The following ITCH variants were observed in gnomAD, a reference collection of about 807,000 sequenced individuals.
The protein encoded by ITCH is E3 ubiquitin-protein ligase Itchy homolog.
A neutral mutation model predicts 126.8 loss-of-function variants in ITCH; 28 were observed. The observed-to-expected ratio is 0.22, with a 90% CI of 0.16 to 0.30. ITCH has a LOEUF of 0.30. ITCH is among the 10% of genes least tolerant of loss of function. The pLI, the probability that ITCH is intolerant of heterozygous loss-of-function variation, is 1.00. For missense variants in ITCH, 631 were observed against 1,032.4 expected, an observed-to-expected ratio of 0.61 and a Z score of 5.33; for synonymous variants, 342 against 340.0, an observed-to-expected ratio of 1.01 and a Z score of -0.06.
At position 34,384,700 on chromosome 20, in the gene ITCH, G is replaced by T. The variant is rs185742617; in HGVS notation, c.-21-9091G>T. ...TTTTGAGACGGAGTCTCGCTCTGTC[G>T]CCCAGGCTGGAGTGCAGTGGCATGT... On this transcript the variant is annotated intron_variant, in intron 2 of 24. Transcript: ENST00000374864. Among the ~76,000 whole-genome samples, 94 of 129,740 alleles carry T rather than the reference G, an allele frequency of 7.2e-4. 3 individuals are homozygous for T. The East Asian group carries it at 0.022, about 31-fold the overall frequency. The allele number at this position is 129,740 out of a possible 152,430, so 85.1% of individuals were successfully genotyped here.
chr20:34,382,096 G>A (rs1408599668), intron 2 of ITCH, among the ~76,000 whole-genome samples: 2 of 152,030 alleles, frequency 1.3e-5, no homozygotes, highest in Non-Finnish European at 2.9e-5. Flanking sequence ...GAATTTAATC[G>A]GAGGGGCTAA....
chr20:34,497,441 A>G (rs1378791633), intron 23 of ITCH, among the ~76,000 whole-genome samples: 1 of 152,182 alleles, frequency 6.6e-6, no homozygotes, highest in East Asian at 1.9e-4. Context: ...TTTGTTGTAT[A>G]TCTTGAAGTC....
At chr20:34,481,880 A>C (rs1210965048) in intron 20 of ITCH, among the ~76,000 whole-genome samples, 1 of 152,120 alleles carries the variant, frequency 6.6e-6, no homozygotes, top group Non-Finnish European at 1.5e-5. Context: ...GTGTGGTGGC[A>C]TGTGCCTGTA....
chr20:34,414,844 T>A (rs905732313), intron 6 of ITCH, among the ~76,000 whole-genome samples: 1 of 152,198 alleles, frequency 6.6e-6, no homozygotes, highest in African/African-American at 2.4e-5. Flanking sequence ...ACCATTCCCC[T>A]TCTACTTCTG....
intron 11 of ITCH, among the ~76,000 whole-genome samples, chr20:34,449,075 A>T (rs901448343): frequency 1.3e-5 from 2 of 151,838 alleles, no homozygotes; most frequent in African/African-American, 4.9e-5. Context: ...TGGTATTGTA[A>T]ATGACTTTTG....
In ITCH at chr20:34,476,473, A is replaced by G. The variant is rs1988242749; in HGVS notation, c.1570-1299A>G. 7.4e-6 allele frequency: 9 copies of G among 1,213,738 alleles called. No homozygotes were observed. The South Asian group carries it at 2.0e-4, about 27-fold the overall frequency. 75.2% of individuals were successfully genotyped at this position (1,213,738 alleles called of 1,614,324 possible). A position where few individuals can be genotyped will look rare whatever the true frequency, so the allele number is the denominator to read the frequency against. On this transcript the variant is annotated intron_variant, in intron 16 of 24. Transcript: ENST00000374864. ...CAGCCGGGCGCCCCCAGCGGCAGCC[A>G]TCGCCCGCGGTCGGGAACTCAAAAG...
intron 5 of ITCH, among the ~76,000 whole-genome samples, chr20:34,413,435 A>C (rs575433494): frequency 6.6e-6 from 1 of 152,316 alleles, no homozygotes; most frequent in African/African-American, 2.4e-5. Context: ...TTACTAAATA[A>C]TCCTTATTCT....
At chr20:34,459,674 TG>T (rs1302496356) in intron 13 of ITCH, among the ~76,000 whole-genome samples, 1 of 152,180 alleles carries the variant, frequency 6.6e-6, no homozygotes, top group African/African-American at 2.4e-5. Context: ...TGGTTTAGGT[TG>T]CACTGAGCTG....
chr20:34,447,259 A>G (rs1449703414), intron 11 of ITCH, among the ~76,000 whole-genome samples: 1 of 151,416 alleles, frequency 6.6e-6, no homozygotes, highest in Non-Finnish European at 1.5e-5. Context: ...ATTTTCTGAA[A>G]TTTTTACTCT....
chr20:34,457,541 A>T, intron 13 of ITCH, 67 bp downstream of exon 13: 3 of 1,094,592 alleles, frequency 2.7e-6, no homozygotes, highest in Non-Finnish European at 4.1e-6. Context: ...CAACTGAAGA[A>T]GATCAAAGTT....
chr20:34,365,640 CTCCTG>C, intron 1 of ITCH, among the ~76,000 whole-genome samples: 1 of 152,192 alleles, frequency 6.6e-6, no homozygotes, highest in African/African-American at 2.4e-5. Context: ...TGCTCTCGAA[CTCCTG>C]ACCTCGTGAT....
intron 20 of ITCH, among the ~76,000 whole-genome samples, chr20:34,484,255 A>G (rs1400092702): frequency 2.0e-5 from 3 of 152,208 alleles, no homozygotes; most frequent in Non-Finnish European, 4.4e-5. Flanking sequence ...CTAATAGTTC[A>G]TTCATACCTT....
intron 3 of ITCH, among the ~76,000 whole-genome samples, chr20:34,400,633 GAA>G (rs977420133): frequency 4.4e-5 from 6 of 134,960 alleles, no homozygotes; most frequent in South Asian, 2.4e-4. Context: ...GTTAGAAAGA[GAA>G]AAAAATTTTT....
chr20:34,369,648 T>A, intron 2 of ITCH, 178 bp downstream of exon 2: 1 of 389,760 alleles, frequency 2.6e-6, no homozygotes, highest in Admixed American at 4.5e-5. Context: ...GATTAGCCTG[T>A]GAGCCACACT....
At chr20:34,369,598 A>AGCTT (rs1443064212) in intron 2 of ITCH, 128 bp downstream of exon 2, 1 of 392,900 alleles carries the variant, frequency 2.5e-6, no homozygotes, top group Non-Finnish European at 4.5e-6. Flanking sequence ...ACATATAGGC[A>AGCTT]GCTTCACTTG....
chr20:34,475,785 T>C (rs1453444066), intron 16 of ITCH: 7 of 629,062 alleles, frequency 1.1e-5, no homozygotes, highest in African/African-American at 9.2e-5. Flanking sequence ...TGACAAAATT[T>C]AGTAGTTATA....
chr20:34,383,165 C>T (rs1266329472), intron 2 of ITCH, among the ~76,000 whole-genome samples: 3 of 152,054 alleles, frequency 2.0e-5, no homozygotes, highest in Non-Finnish European at 4.4e-5. Context: ...TGTCAGTCTC[C>T]TGAGTAGCTG....
At chr20:34,401,718 A>C (rs1185235004) in intron 3 of ITCH, 1 of 777,100 alleles carries the variant, frequency 1.3e-6, no homozygotes, top group Admixed American at 6.3e-5. Flanking sequence ...TGAATTAAAA[A>C]AAAAAAAAAG....
chr20:34,412,488 A>G (rs1555861342), intron 4 of ITCH, 27 bp from the exon 5 acceptor site: 10 of 1,527,874 alleles, frequency 6.5e-6, no homozygotes, highest in Non-Finnish European at 9.1e-6. Flanking sequence ...TAAAAATAAT[A>G]TTTTTTCCCT....
Sources: gnomAD v4.1 joint callset for allele counts (sites outside exome capture counted in the v4.1 genomes callset) on GRCh38, gnomAD v4.1.1 for gene constraint, MANE v1.5 for transcripts, NCBI Gene and HGNC (gene_info 2026-07-23, HGNC 2026-07-21) for gene names.